PDE10A: variants seen among roughly 807,000 people sequenced by gnomAD.
PDE10A encodes phosphodiesterase 10A.
A neutral mutation model predicts 97.7 loss-of-function variants in PDE10A; 39 were observed. The observed-to-expected ratio is 0.40, with a 90% CI of 0.31 to 0.52. The LOEUF (loss-of-function observed/expected upper bound fraction) is 0.52. PDE10A is among the 20% of genes least tolerant of loss of function. The pLI is 0.56. For synonymous variants in PDE10A, 371 were observed against 376.8 expected, an observed-to-expected ratio of 0.98 and a Z score of 0.18; for missense variants, 731 against 1,047.8, an observed-to-expected ratio of 0.70 and a Z score of 4.17.
At chr6:165,453,001 T>C (rs984606416) in intron 3 of PDE10A, among the ~76,000 whole-genome samples, 2 of 152,104 alleles carry the variant, frequency 1.3e-5, no homozygotes, top group African/African-American at 2.4e-5. Context: ...ATAAAGGCTA[T>C]TCTGATGAGG....
chr6:165,750,477 C>CT (rs1792971975), intron 1 of PDE10A, among the ~76,000 whole-genome samples: 1 of 152,142 alleles, frequency 6.6e-6, no homozygotes, highest in Non-Finnish European at 1.5e-5. Flanking sequence ...CCCAGGATCT[C>CT]CCACCTGAGA....
chr6:165,635,024 A>G (rs111286524), intron 1 of PDE10A, among the ~76,000 whole-genome samples: 1,928 of 152,312 alleles, frequency 0.013, 46 homozygotes, highest in African/African-American at 0.044. Flanking sequence ...CAGGTTGCCA[A>G]TGAAATAAAG....
intron 1 of PDE10A, among the ~76,000 whole-genome samples, chr6:165,800,567 A>G (rs772461356): frequency 2.0e-5 from 3 of 152,168 alleles, no homozygotes; most frequent in Non-Finnish European, 4.4e-5. Flanking sequence ...GGTTACAGTG[A>G]TGATAGACCT....
At chr6:165,652,457 G>A (rs1321915047) in intron 1 of PDE10A, among the ~76,000 whole-genome samples, 1 of 152,090 alleles carries the variant, frequency 6.6e-6, no homozygotes, top group Non-Finnish European at 1.5e-5. Flanking sequence ...AAAGTGCTAG[G>A]ATTACCGGCA....
intron 5 of PDE10A, among the ~76,000 whole-genome samples, chr6:165,447,905 G>A (rs73788392): frequency 0.029 from 4,480 of 152,218 alleles, 214 homozygotes; most frequent in African/African-American, 0.1. Flanking sequence ...AGGGAAAACA[G>A]TGGCCATGGA....
At chr6:165,339,412 AT>A in intron 19 of PDE10A, 54 bp from the exon 20 acceptor site, 1 of 1,029,252 alleles carries the variant, frequency 9.7e-7, no homozygotes. Context: ...TTGCTATACT[AT>A]TTTGATATTA....
intron 14 of PDE10A, among the ~76,000 whole-genome samples, 159 bp from the exon 15 acceptor site, chr6:165,395,423 G>T (rs1390476618): frequency 6.6e-6 from 1 of 152,126 alleles, no homozygotes; most frequent in Admixed American, 6.5e-5. Flanking sequence ...GTTACTGAAA[G>T]ATTTCCAGGA....
At chr6:165,563,730 A>C (rs1458656106) in intron 1 of PDE10A, among the ~76,000 whole-genome samples, 1 of 152,056 alleles carries the variant, frequency 6.6e-6, no homozygotes, top group Non-Finnish European at 1.5e-5. Flanking sequence ...GTCTCTACTA[A>C]AAATACAAAA....
chr6:165,402,316 G>A (rs1390652197), intron 13 of PDE10A, among the ~76,000 whole-genome samples: 1 of 151,428 alleles, frequency 6.6e-6, no homozygotes, highest in Non-Finnish European at 1.5e-5. Flanking sequence ...ATCAGTGTAG[G>A]TAAATAACAC....
chr6:165,855,311 G>T lies in PDE10A; in HGVS notation c.-615+132218C>A, dbSNP rs865915510. Among the ~76,000 whole-genome samples, 618 of 150,832 alleles carry T rather than the reference G, an allele frequency of 4.1e-3. 24 individuals carry two copies. Among genetic ancestry groups the T allele is most frequent in the African/African-American group, 0.014 (579 of 40,838 alleles). ...TAGGCGGCGCGGGAAGTGGCGGGGG[G>T]GGGGGGGGACTCAGGGGCGCTGCCT... On this transcript the variant is annotated intron_variant, in intron 1 of 19. Transcript: ENST00000366882.
chr6:165,929,879 G>T (rs1216591873), intron 1 of PDE10A, among the ~76,000 whole-genome samples: 2 of 151,944 alleles, frequency 1.3e-5, no homozygotes, highest in East Asian at 3.9e-4. Flanking sequence ...CAGGTGGGAA[G>T]AGAGTGCTCC....
intron 1 of PDE10A, among the ~76,000 whole-genome samples, chr6:165,647,820 G>A (rs904407424): frequency 1.8e-4 from 27 of 152,248 alleles, no homozygotes; most frequent in African/African-American, 5.3e-4. Context: ...CAATGGCTAC[G>A]TGTCTCAGCA....
chr6:165,956,288 T>G (rs113558895), intron 1 of PDE10A, among the ~76,000 whole-genome samples: 3 of 152,340 alleles, frequency 2.0e-5, no homozygotes, highest in African/African-American at 7.2e-5. Context: ...TCTCCACTTT[T>G]TTGAAGAGTT....
chr6:165,542,952 A>C (rs1783540052), intron 2 of PDE10A, among the ~76,000 whole-genome samples: 1 of 152,132 alleles, frequency 6.6e-6, no homozygotes, highest in Admixed American at 6.5e-5. Context: ...GTTTACTGAC[A>C]ACAAATCTTC....
At chr6:165,552,497 G>C (rs1181118879) in intron 1 of PDE10A, among the ~76,000 whole-genome samples, 1 of 152,218 alleles carries the variant, frequency 6.6e-6, no homozygotes, top group African/African-American at 2.4e-5. Context: ...AGTCTGAAAA[G>C]TTTAGAACAT....
chr6:165,739,710 T>G (rs1792671897), intron 1 of PDE10A, among the ~76,000 whole-genome samples: 1 of 152,008 alleles, frequency 6.6e-6, no homozygotes, highest in Non-Finnish European at 1.5e-5. Flanking sequence ...TGAAAATAAT[T>G]GCAAACCATA....
At chr6:165,459,676 C>T (rs977538899) in intron 3 of PDE10A, among the ~76,000 whole-genome samples, 3 of 152,004 alleles carry the variant, frequency 2.0e-5, no homozygotes, top group African/African-American at 7.3e-5. Context: ...ATCCTCATTG[C>T]CAGGCTGCTC....
chr6:165,800,163 A>G (rs2128465315), intron 1 of PDE10A, among the ~76,000 whole-genome samples: 1 of 152,304 alleles, frequency 6.6e-6, no homozygotes, highest in East Asian at 1.9e-4. Context: ...CTAAAAGCGA[A>G]GATACTCATG....
At chr6:165,486,993 C>T (rs1217776792) in intron 2 of PDE10A, among the ~76,000 whole-genome samples, 2 of 152,164 alleles carry the variant, frequency 1.3e-5, no homozygotes, top group Non-Finnish European at 1.5e-5. Context: ...ACGGCTGACA[C>T]GTGATCACCT....
Sources: allele counts gnomAD v4.1 joint callset (sites outside exome capture counted in the v4.1 genomes callset), GRCh38; gene constraint gnomAD v4.1.1; transcripts MANE v1.5; gene names NCBI Gene and HGNC (gene_info 2026-07-23, HGNC 2026-07-21).